The following PCDH11X variants were observed in gnomAD, a reference collection of about 807,000 sequenced individuals.
The protein encoded by PCDH11X is protocadherin 11 X-linked, also known as protocadherin-11 X-linked.
A neutral mutation model predicts 53.3 loss-of-function variants in PCDH11X; 18 were observed. The ratio of observed to expected loss-of-function variants is 0.34; its 90% CI spans 0.23 to 0.50. The LOEUF is 0.50. Among genes scored for constraint, PCDH11X ranks in the 20% least tolerant of loss-of-function variants. PCDH11X has a pLI of 0.98. For synonymous variants in PCDH11X, 279 were observed against 393.3 expected (o/e 0.71, Z 3.44); for missense variants, 570 against 1,032.4 (o/e 0.55, Z 6.14).
At chrX:92,424,485 C>T (rs1169533620) in intron 9 of PCDH11X, among the ~76,000 whole-genome samples, 1 of 96,078 alleles carries the variant, frequency 1.0e-5, no homozygotes, top group Non-Finnish European at 2.3e-5. Flanking sequence ...CTCTCTGGCT[C>T]GTGCAGTTCG....
chrX:92,012,437 G>C (rs2062708243), intron 6 of PCDH11X, among the ~76,000 whole-genome samples: 1 of 111,295 alleles, frequency 9.0e-6, no homozygotes, highest in African/African-American at 3.3e-5. Context: ...TCTGTAAGAG[G>C]ACTTTTTTCC....
intron 6 of PCDH11X, among the ~76,000 whole-genome samples, chrX:91,882,617 TGG>T (rs1323037927): frequency 1.8e-5 from 2 of 110,151 alleles, no homozygotes; most frequent in Non-Finnish European, 3.8e-5. Flanking sequence ...TGATTTGAGT[TGG>T]AATAGTCTTT....
chrX:92,218,903 A>G (rs1413069867), intron 7 of PCDH11X, among the ~76,000 whole-genome samples: 1 of 105,920 alleles, frequency 9.4e-6, no homozygotes, highest in Non-Finnish European at 2.0e-5. Flanking sequence ...TATGCAAATC[A>G]GTAAATGTAA....
At chrX:92,540,649 C>T (rs930091982) in intron 10 of PCDH11X, among the ~76,000 whole-genome samples, 15 of 105,413 alleles carry the variant, frequency 1.4e-4, no homozygotes, top group African/African-American at 2.1e-4. Context: ...TAGCCAGCAC[C>T]GCTGGGAATA....
At chrX:92,359,026 G>A (rs1237479323) in intron 8 of PCDH11X, among the ~76,000 whole-genome samples, 5 of 109,216 alleles carry the variant, frequency 4.6e-5, no homozygotes, top group Non-Finnish European at 7.6e-5. Flanking sequence ...TAAATTAATT[G>A]TGACACATTG....
intron 10 of PCDH11X, among the ~76,000 whole-genome samples, chrX:92,597,094 A>G (rs1175575206): frequency 8.9e-6 from 1 of 111,761 alleles, no homozygotes; most frequent in African/African-American, 3.2e-5. Flanking sequence ...TAAAATAATA[A>G]AAGCCTTTCC....
chrX:92,225,517 G>A (rs765845071), intron 7 of PCDH11X, among the ~76,000 whole-genome samples: 10 of 111,220 alleles, frequency 9.0e-5, no homozygotes, highest in African/African-American at 3.3e-4. Context: ...AACAAAATGG[G>A]TGCTAAATGG....
At chrX:92,391,280 G>T (rs899747125) in intron 9 of PCDH11X, among the ~76,000 whole-genome samples, 1 of 109,558 alleles carries the variant, frequency 9.1e-6, no homozygotes, top group Admixed American at 9.9e-5. Context: ...TTGCTGCTGG[G>T]TTACTGTGGA....
In PCDH11X at chrX:92,581,587, T is replaced by G. The variant is rs1002966242; in HGVS notation, c.3368-36677T>G. Among the ~76,000 whole-genome samples, 7 of 112,026 alleles carry G rather than the reference T, an allele frequency of 6.2e-5. 1 individual carries two copies. The highest frequency in any genetic ancestry group is 2.3e-4 in the African/African-American group (7 of 30,843). On this transcript the variant is annotated intron_variant, in intron 10 of 10. Transcript: ENST00000682573. Reference sequence around the variant, plus strand: ...AGTCCATTAAACCTCTTTTTCTTTATAAATTACCCAGTCTCGGGCATGTCT... The same window carrying G: ...AGTCCATTAAACCTCTTTTTCTTTAGAAATTACCCAGTCTCGGGCATGTCT...
At chrX:92,419,513 TG>T (rs2071902963) in intron 9 of PCDH11X, among the ~76,000 whole-genome samples, 1 of 108,156 alleles carries the variant, frequency 9.2e-6, no homozygotes, top group African/African-American at 3.4e-5. Flanking sequence ...TGTTTCATTT[TG>T]TTTTTTTAAT....
At chrX:91,917,426 C>T (rs1271725071) in intron 6 of PCDH11X, among the ~76,000 whole-genome samples, 1 of 98,111 alleles carries the variant, frequency 1.0e-5, no homozygotes, top group Non-Finnish European at 2.1e-5. Context: ...AAGATTTATC[C>T]AAAACACTCC....
At chrX:92,577,384 T>C (rs1006125191) in intron 10 of PCDH11X, among the ~76,000 whole-genome samples, 1 of 109,946 alleles carries the variant, frequency 9.1e-6, no homozygotes, top group African/African-American at 3.3e-5. Flanking sequence ...GTGGAGTCAG[T>C]GGTGGTATCC....
chrX:91,792,743 G>T (rs1935596640), intron 1 of PCDH11X, among the ~76,000 whole-genome samples: 1 of 111,487 alleles, frequency 9.0e-6, no homozygotes, highest in Middle Eastern at 4.8e-3. Flanking sequence ...TCAGAGAAAT[G>T]GAAGACACTT....
At chrX:92,504,908 GT>G (rs202147914) in intron 10 of PCDH11X, among the ~76,000 whole-genome samples, 33,145 of 109,603 alleles carry the variant, frequency 0.3, 4,080 homozygotes, top group Non-Finnish European at 0.37. Context: ...TCATATGCTT[GT>G]TGGCCAAGTG....
intron 4 of PCDH11X, among the ~76,000 whole-genome samples, chrX:91,822,676 A>G (rs1936738609): frequency 9.5e-6 from 1 of 105,754 alleles, no homozygotes; most frequent in Non-Finnish European, 1.9e-5. Flanking sequence ...TATTTCCTTC[A>G]GTTCTGCTCT....
chrX:92,570,900 A>G (rs1231198467), intron 10 of PCDH11X, among the ~76,000 whole-genome samples: 4 of 110,797 alleles, frequency 3.6e-5, no homozygotes, highest in Non-Finnish European at 5.7e-5. Context: ...TGGGGAATGC[A>G]TATTAGAACA....
intron 10 of PCDH11X, among the ~76,000 whole-genome samples, chrX:92,525,369 G>T (rs1464492351): frequency 9.0e-6 from 1 of 111,493 alleles, no homozygotes; most frequent in Non-Finnish European, 1.9e-5. Flanking sequence ...GGTGGCTCAC[G>T]CCTGTAATCC....
intron 10 of PCDH11X, among the ~76,000 whole-genome samples, chrX:92,552,968 C>T (rs1337727389): frequency 9.7e-6 from 1 of 103,286 alleles, no homozygotes; most frequent in African/African-American, 3.5e-5. Flanking sequence ...CATCAATACT[C>T]ATCACGGATA....
intron 9 of PCDH11X, chrX:92,460,023 A>T: frequency 2.0e-6 from 2 of 992,658 alleles, no homozygotes; most frequent in Non-Finnish European, 2.8e-6. Context: ...AGAATAAGGG[A>T]CCCCAGGTCA....
Sources: allele counts gnomAD v4.1 joint callset (sites outside exome capture counted in the v4.1 genomes callset), GRCh38; gene constraint gnomAD v4.1.1; transcripts MANE v1.5; gene names NCBI Gene and HGNC (gene_info 2026-07-23, HGNC 2026-07-21).